PRKAR2A: variants seen among roughly 807,000 people sequenced by gnomAD.
PRKAR2A encodes cAMP-dependent protein kinase type II-alpha regulatory subunit.
Under a neutral mutation model 51.9 loss-of-function variants are expected in PRKAR2A, and 29 were observed. That is an observed-to-expected ratio of 0.56 (90% CI 0.42 to 0.76). PRKAR2A has a LOEUF of 0.76. Ranked by LOEUF, PRKAR2A falls within the 30% of genes least tolerant of loss-of-function variation. PRKAR2A has a pLI of 0.00. For missense variants in PRKAR2A, 445 were observed against 512.1 expected (o/e 0.87, Z 1.26); for synonymous variants, 178 against 186.2 (o/e 0.96, Z 0.36).
chr3:48,785,801 C>T (rs1553670873), intron 4 of PRKAR2A, among the ~76,000 whole-genome samples: 1 of 152,152 alleles, frequency 6.6e-6, no homozygotes, highest in Non-Finnish European at 1.5e-5. Flanking sequence ...TATATATACT[C>T]CTCTTTTCTT....
chr3:48,794,089 C>G, intron 2 of PRKAR2A, 40 bp from the exon 3 acceptor site: 1 of 1,470,654 alleles, frequency 6.8e-7, no homozygotes, highest in African/African-American at 1.4e-5. Context: ...ATGAATTTAA[C>G]AGATGTGTGG....
chr3:48,796,781 C>T (rs914072810), intron 2 of PRKAR2A, among the ~76,000 whole-genome samples: 5 of 151,534 alleles, frequency 3.3e-5, no homozygotes, highest in South Asian at 2.1e-4. Context: ...TGAGCAACCG[C>T]GCCCGGCCAA....
At chr3:48,783,123 GC>G (rs2082230965) in intron 4 of PRKAR2A, 31 bp from the exon 5 acceptor site, 2 of 1,431,688 alleles carry the variant, frequency 1.4e-6, no homozygotes, top group African/African-American at 2.8e-5. Flanking sequence ...GAAAAAAATA[GC>G]CTTTACATAT....
Position 48,750,374 on chromosome 3 carries a change from C to CA in PRKAR2A, c.*1210dup, listed in dbSNP as rs925822080. The CA allele has an allele frequency of 1.3e-4, 19 of 150,532 alleles. No individual in the cohort carries two copies. The highest frequency in any genetic ancestry group is 3.9e-4 in the East Asian group (2 of 5,152). 9.3% of individuals were successfully genotyped at this position (150,532 alleles called of 1,614,324 possible). ...GCGAAACTCCGTCTCAAAAAGAAAA[C>CA]AAAAAAAAAATTTTTGTTTTTGTAG... On this transcript the variant is annotated 3_prime_UTR_variant, in exon 11 of 11. Transcript: ENST00000265563.
At chr3:48,765,193 G>T in intron 7 of PRKAR2A, 55 bp downstream of exon 7, 1 of 1,555,264 alleles carries the variant, frequency 6.4e-7, no homozygotes, top group African/African-American at 1.4e-5. Flanking sequence ...CAACAGAATA[G>T]TTTTAAAAGC....
At chr3:48,804,222 A>G (rs1017754983) in intron 2 of PRKAR2A, among the ~76,000 whole-genome samples, 1 of 152,182 alleles carries the variant, frequency 6.6e-6, no homozygotes, top group Non-Finnish European at 1.5e-5. Flanking sequence ...GCACTTTGGA[A>G]GGCCAAGCTA....
At chr3:48,805,243 A>G (rs1269533492) in intron 2 of PRKAR2A, among the ~76,000 whole-genome samples, 1 of 152,102 alleles carries the variant, frequency 6.6e-6, no homozygotes, top group Non-Finnish European at 1.5e-5. Flanking sequence ...GCTTTCAGGG[A>G]GAAGGGAGAG....
intron 1 of PRKAR2A, among the ~76,000 whole-genome samples, chr3:48,808,044 C>CTTTTTTTTTTTTTT (rs1490338619): frequency 3.7e-5 from 5 of 135,086 alleles, no homozygotes; most frequent in Non-Finnish European, 4.8e-5. Context: ...TTTTTTCTTT[C>CTTTTTTTTTTTTTT]TTTCTTTTTT....
At chr3:48,764,383 G>A (rs2081906913) in intron 8 of PRKAR2A, among the ~76,000 whole-genome samples, 1 of 152,126 alleles carries the variant, frequency 6.6e-6, no homozygotes, top group African/African-American at 2.4e-5. Context: ...TAGAAAGTTA[G>A]AGGACAGAAC....
intron 2 of PRKAR2A, 98 bp downstream of exon 2, chr3:48,807,551 G>A: frequency 2.0e-6 from 2 of 1,000,428 alleles, no homozygotes; most frequent in African/African-American, 3.3e-5. Flanking sequence ...AATGTTCTGT[G>A]ATGGGAGCTT....
intron 2 of PRKAR2A, among the ~76,000 whole-genome samples, chr3:48,796,673 T>TC (rs1314579258): frequency 6.7e-6 from 1 of 149,980 alleles, no homozygotes; most frequent in Non-Finnish European, 1.5e-5. Flanking sequence ...AGACGGGGTT[T>TC]TTTTTTTTTT....
At chr3:48,772,631 G>A (rs2082045029) in intron 6 of PRKAR2A, among the ~76,000 whole-genome samples, 1 of 150,696 alleles carries the variant, frequency 6.6e-6, no homozygotes, top group African/African-American at 2.4e-5. Context: ...TTAACATCAG[G>A]ATGTCACAAT....
intron 2 of PRKAR2A, among the ~76,000 whole-genome samples, chr3:48,795,007 C>G (rs1241242719): frequency 1.3e-5 from 2 of 150,332 alleles, no homozygotes; most frequent in South Asian, 4.2e-4. Context: ...GACGGAGTCT[C>G]GCTCTGTCAC....
At chr3:48,789,238 C>G (rs1166747567) in intron 4 of PRKAR2A, among the ~76,000 whole-genome samples, 1 of 152,118 alleles carries the variant, frequency 6.6e-6, no homozygotes, top group East Asian at 1.9e-4. Flanking sequence ...AGCAGTCCTC[C>G]CTTTATCCAT....
chr3:48,745,795 T>C (rs930949170), downstream of PRKAR2A, among the ~76,000 whole-genome samples: 1 of 152,042 alleles, frequency 6.6e-6, no homozygotes, highest in African/African-American at 2.4e-5. Flanking sequence ...CACCTCCACC[T>C]CCCAAAGTGC....
intron 2 of PRKAR2A, among the ~76,000 whole-genome samples, chr3:48,797,816 G>GT (rs1453452417): frequency 1.3e-5 from 2 of 152,206 alleles, no homozygotes; most frequent in African/African-American, 4.8e-5. Context: ...AGCCAGGAAA[G>GT]TAACAATGGG....
At chr3:48,745,842 A>G (rs1376858528), downstream of PRKAR2A, among the ~76,000 whole-genome samples, 2 of 152,106 alleles carry the variant, frequency 1.3e-5, no homozygotes, top group Admixed American at 1.3e-4. Context: ...CCCAGCCTGG[A>G]TAAGATTAAC....
intron 9 of PRKAR2A, among the ~76,000 whole-genome samples, chr3:48,753,143 C>T (rs1306688765): frequency 6.6e-6 from 1 of 151,378 alleles, no homozygotes; most frequent in Non-Finnish European, 1.5e-5. Context: ...CCATGTTCGC[C>T]AGTATAGTCT....
At chr3:48,835,814 A>G (rs985918201) in intron 1 of PRKAR2A, among the ~76,000 whole-genome samples, 6 of 151,952 alleles carry the variant, frequency 3.9e-5, no homozygotes, top group African/African-American at 1.5e-4. Context: ...GGGACCCAAA[A>G]TAGCCAAAAC....
Sources: gnomAD v4.1 joint callset for allele counts (sites outside exome capture counted in the v4.1 genomes callset) on GRCh38, gnomAD v4.1.1 for gene constraint, MANE v1.5 for transcripts, NCBI Gene and HGNC (gene_info 2026-07-23, HGNC 2026-07-21) for gene names.